Variants in TRIO observed in about 807,000 individuals in gnomAD.
TRIO encodes trio Rho guanine nucleotide exchange factor, also known as triple functional domain protein.
TRIO carries 58 observed loss-of-function variants against 351.9 expected under a neutral mutation model. That is an observed-to-expected ratio of 0.16 (90% confidence interval 0.13 to 0.21). TRIO has a LOEUF of 0.21. TRIO is among the 10% of genes least tolerant of loss of function. The probability of loss-of-function intolerance (pLI) is 1.00; values close to 1 mark genes in which losing one functional copy is unlikely to be tolerated. For missense variants in TRIO, 3,201 were observed against 4,027.8 expected, an observed-to-expected ratio of 0.79 and a Z score of 5.56; for synonymous variants, 1,758 against 1,595.7, an observed-to-expected ratio of 1.10 and a Z score of -2.42.
intron 3 of TRIO, among the ~76,000 whole-genome samples, chr5:14,284,593 C>T (rs1236693502): frequency 6.6e-6 from 1 of 152,174 alleles, no homozygotes; most frequent in East Asian, 1.9e-4. Flanking sequence ...TGTTCTCCCG[C>T]TTATTCCTGT....
intron 38 of TRIO, among the ~76,000 whole-genome samples, chr5:14,471,681 C>T (rs751214363): frequency 4.6e-5 from 7 of 152,180 alleles, no homozygotes; most frequent in Non-Finnish European, 1.0e-4. Context: ...TATGATACTT[C>T]ATAAGTAAGA....
intron 7 of TRIO, among the ~76,000 whole-genome samples, chr5:14,302,591 A>G (rs1737997044): frequency 6.6e-6 from 1 of 152,226 alleles, no homozygotes; most frequent in African/African-American, 2.4e-5. Context: ...TTCAAGCCGT[A>G]AGGTCTGCAT....
intron 1 of TRIO, among the ~76,000 whole-genome samples, chr5:14,208,656 A>T (rs1455072403): frequency 6.6e-6 from 1 of 152,262 alleles, no homozygotes; most frequent in Non-Finnish European, 1.5e-5. Context: ...CAGAAAGTCT[A>T]ACTGAAGAGT....
At chr5:14,456,766 A>T (rs1039944355) in intron 34 of TRIO, among the ~76,000 whole-genome samples, 1 of 152,234 alleles carries the variant, frequency 6.6e-6, no homozygotes, top group Non-Finnish European at 1.5e-5. Context: ...AATTCTACTC[A>T]AGATACCATT....
intron 11 of TRIO, among the ~76,000 whole-genome samples, chr5:14,344,044 T>C (rs1240165902): frequency 6.6e-6 from 1 of 152,262 alleles, no homozygotes; most frequent in Non-Finnish European, 1.5e-5. Flanking sequence ...ATATGAATTA[T>C]TTAGCTGCGC....
intron 9 of TRIO, among the ~76,000 whole-genome samples, chr5:14,324,387 A>G (rs1740182263): frequency 6.6e-6 from 1 of 152,182 alleles, no homozygotes; most frequent in African/African-American, 2.4e-5. Context: ...AAACACACTA[A>G]TTCATTATGT....
intron 12 of TRIO, among the ~76,000 whole-genome samples, 159 bp from the exon 13 acceptor site, chr5:14,359,198 T>A (rs1743904001): frequency 6.6e-6 from 1 of 152,258 alleles, no homozygotes; most frequent in Admixed American, 6.5e-5. Context: ...GGAGGAAGCC[T>A]AATATTGTTT....
At chr5:14,371,847 G>T (rs944196762) in intron 18 of TRIO, among the ~76,000 whole-genome samples, 2 of 151,850 alleles carry the variant, frequency 1.3e-5, no homozygotes, top group Non-Finnish European at 2.9e-5. Flanking sequence ...TCCTTATGTT[G>T]CCCAGCCTGG....
intron 52 of TRIO, 74 bp from the exon 53 acceptor site, chr5:14,498,445 G>T: frequency 1.3e-6 from 2 of 1,557,098 alleles, no homozygotes; most frequent in South Asian, 1.2e-5. Context: ...CCTTGATCCT[G>T]AAGGAGGAGG....
At chr5:14,181,209 T>C (rs1468299404) in intron 1 of TRIO, among the ~76,000 whole-genome samples, 1 of 152,216 alleles carries the variant, frequency 6.6e-6, no homozygotes, top group East Asian at 1.9e-4. Context: ...GATATAGAAT[T>C]TCTACAAATA....
chr5:14,495,829 G>T (rs541523147), intron 49 of TRIO, among the ~76,000 whole-genome samples: 1 of 152,072 alleles, frequency 6.6e-6, no homozygotes, highest in South Asian at 2.1e-4. Context: ...ATAGCTGAGC[G>T]TAGTGGCAGG....
At position 14,143,788 on chromosome 5, in the gene TRIO, C is replaced by A; in HGVS notation, c.63C>A (p.Ala21=). Residue 21 remains alanine (A), a synonymous_variant, in exon 1 of 57, where the codon GCC becomes GCA. Transcript: ENST00000344204. ...CGTCCTCCGGCCCCGCCGCGGCGGC[C>A]AGCGCGGCTGGCTCGGGCTGCGGGG... ...PAASSGPAAA[A]SAAGSGCGGG... is the part of the protein sequence containing the mutation. The A allele has an allele frequency of 9.7e-7, 1 of 1,032,970 alleles. No individual in the cohort carries two copies. The highest frequency in any genetic ancestry group is 4.4e-5 in the South Asian group (1 of 22,478). The allele number at this position is 1,032,970 out of a possible 1,614,324, so 64.0% of individuals were successfully genotyped here. A position where few individuals can be genotyped will look rare whatever the true frequency, so the allele number is the denominator to read the frequency against.
At chr5:14,495,576 C>G (rs1040566761) in intron 49 of TRIO, among the ~76,000 whole-genome samples, 1 of 136,084 alleles carries the variant, frequency 7.3e-6, no homozygotes, top group Admixed American at 8.1e-5. Context: ...AATCCCAGAA[C>G]GTTTGGAGGC....
At chr5:14,343,963 A>G (rs1268819787) in intron 11 of TRIO, among the ~76,000 whole-genome samples, 1 of 152,244 alleles carries the variant, frequency 6.6e-6, no homozygotes, top group Non-Finnish European at 1.5e-5. Context: ...GAGAATGGTT[A>G]AAATCCAGTA....
intron 1 of TRIO, among the ~76,000 whole-genome samples, chr5:14,244,003 T>G (rs1309991270): frequency 6.6e-6 from 1 of 152,230 alleles, no homozygotes; most frequent in African/African-American, 2.4e-5. Flanking sequence ...CAGGACCTGC[T>G]TGGCTGTGCA....
intron 1 of TRIO, among the ~76,000 whole-genome samples, chr5:14,144,814 C>T (rs964394880): frequency 1.5e-4 from 23 of 151,808 alleles, no homozygotes; most frequent in Non-Finnish European, 3.1e-4. Context: ...CCAGATCCCG[C>T]GCGAGCCGGG....
chr5:14,211,590 G>GT (rs33992664), intron 1 of TRIO, among the ~76,000 whole-genome samples: 74,141 of 119,886 alleles, frequency 0.62, 23,639 homozygotes, highest in East Asian at 0.94. Context: ...ACACTCAGTT[G>GT]TTTTTTTTTT....
chr5:14,173,314 A>G (rs754534070), intron 1 of TRIO, among the ~76,000 whole-genome samples: 2 of 149,884 alleles, frequency 1.3e-5, no homozygotes, highest in African/African-American at 2.5e-5. Flanking sequence ...AGGTTCAAGC[A>G]ATTCTCCTGC....
intron 1 of TRIO, among the ~76,000 whole-genome samples, chr5:14,176,629 T>C (rs1315773113): frequency 6.6e-6 from 1 of 152,184 alleles, no homozygotes; most frequent in Non-Finnish European, 1.5e-5. Flanking sequence ...AATTTTTGTA[T>C]TTTTTTGTAG....
Sources: gnomAD v4.1 joint callset for allele counts (sites outside exome capture counted in the v4.1 genomes callset) on GRCh38, gnomAD v4.1.1 for gene constraint, MANE v1.5 for transcripts, NCBI Gene and HGNC (gene_info 2026-07-23, HGNC 2026-07-21) for gene names.